The following SGK1 variants were observed in gnomAD, a reference collection of about 807,000 sequenced individuals.
SGK1 encodes serum/glucocorticoid regulated kinase 1, also known as serine/threonine-protein kinase Sgk1.
In SGK1, 26 loss-of-function variants were observed where a neutral mutation model predicts 64.2. The observed-to-expected ratio is 0.40, with a 90% CI of 0.30 to 0.56. The LOEUF (loss-of-function observed/expected upper bound fraction) is 0.56. Among genes scored for constraint, SGK1 ranks in the 20% least tolerant of loss-of-function variants. The probability of loss-of-function intolerance (pLI) is 0.38; values close to 1 mark genes in which losing one functional copy is unlikely to be tolerated. For missense variants in SGK1, 519 were observed against 645.6 expected (o/e 0.80, Z 2.12); for synonymous variants, 265 against 239.7 (o/e 1.11, Z -0.98).
chr6:134,298,237 C>T (rs373414674), intron 1 of SGK1: 8 of 1,576,260 alleles, frequency 5.1e-6, no homozygotes, highest in East Asian at 2.2e-5. Context: ...CTCCTGGCCC[C>T]GAGTCTCCAG....
At chr6:134,193,429 T>C (rs1775545947) in intron 3 of SGK1, among the ~76,000 whole-genome samples, 1 of 152,108 alleles carries the variant, frequency 6.6e-6, no homozygotes, top group South Asian at 2.1e-4. Context: ...CTTCAAATAC[T>C]GAACATTGAA....
Position 134,317,803 on chromosome 6 carries a change from G to GC in SGK1, c.-344dup, listed in dbSNP as rs1183539045. 1 of 230,974 alleles carries GC rather than the reference G, an allele frequency of 4.3e-6. No individual in the cohort carries two copies. The highest frequency in any genetic ancestry group is 2.3e-5 in the African/African-American group (1 of 44,328). 14.3% of individuals were successfully genotyped at this position (230,974 alleles called of 1,614,324 possible). A position where few individuals can be genotyped will look rare whatever the true frequency, so the allele number is the denominator to read the frequency against. ...GAGCGGGAGAAGGGTACGCCTCCCC[G>GC]CCCCCAGCTACCTGGCTGCTCTTCC... On this transcript the variant is annotated 5_prime_UTR_variant, in exon 1 of 14. Coordinates refer to ENST00000367858, the MANE Select transcript of SGK1 (RefSeq NM_001143676.3).
chr6:134,303,296 G>A (rs973999866), intron 1 of SGK1, among the ~76,000 whole-genome samples: 1 of 152,032 alleles, frequency 6.6e-6, no homozygotes, highest in Admixed American at 6.6e-5. Flanking sequence ...GGAGGCTGAG[G>A]CAGGAGAATG....
intron 2 of SGK1, among the ~76,000 whole-genome samples, chr6:134,256,799 C>T (rs1776691581): frequency 6.6e-6 from 1 of 152,146 alleles, no homozygotes; most frequent in South Asian, 2.1e-4. Flanking sequence ...CAGCACTCCT[C>T]GGGATATCAC....
Position 134,297,409 on chromosome 6 carries a change from C to A in SGK1, c.69+19983G>T, listed in dbSNP as rs758326347. ...TTAACAGCCAGCTCCCCATGCTGCT[C>A]GGCATCTGCGATGGCAGTCTCCAGG... On this transcript the variant is annotated intron_variant, in intron 1 of 13. Transcript: ENST00000367858. 8 of 728,586 alleles carry A rather than the reference C, an allele frequency of 1.1e-5. No homozygotes were observed. In the Admixed American group the frequency reaches 1.4e-4, roughly 13 times the overall value. The allele number at this position is 728,586 out of a possible 1,614,324, so 45.1% of individuals were successfully genotyped here. A position where few individuals can be genotyped will look rare whatever the true frequency, so the allele number is the denominator to read the frequency against.
intron 1 of SGK1, among the ~76,000 whole-genome samples, chr6:134,281,023 G>A (rs929271586): frequency 1.3e-5 from 2 of 152,036 alleles, no homozygotes; most frequent in Non-Finnish European, 2.9e-5. Flanking sequence ...AGCCAAGATC[G>A]CACCATTGCA....
chr6:134,231,339 A>G (rs561034579), intron 2 of SGK1, among the ~76,000 whole-genome samples: 2 of 152,294 alleles, frequency 1.3e-5, no homozygotes, highest in Non-Finnish European at 1.5e-5. Flanking sequence ...TTCTTTCTCC[A>G]CCCTGTAAAA....
intron 1 of SGK1, among the ~76,000 whole-genome samples, chr6:134,301,533 C>CTTCTG (rs1777454789): frequency 5.3e-5 from 1 of 18,898 alleles, no homozygotes; most frequent in Non-Finnish European, 1.0e-4. Flanking sequence ...TTTCTCTTTT[C>CTTCTG]TTCTCTTCTC....
At chr6:134,177,128 C>A (rs944580506) in intron 3 of SGK1, among the ~76,000 whole-genome samples, 3 of 152,032 alleles carry the variant, frequency 2.0e-5, no homozygotes, top group Non-Finnish European at 4.4e-5. Flanking sequence ...GCAGGAGAAT[C>A]GCTTGAACCC....
chr6:134,215,134 C>CTTTCTTTT (rs569795606), intron 2 of SGK1: 199 of 391,894 alleles, frequency 5.1e-4, no homozygotes, highest in South Asian at 1.0e-3. Flanking sequence ...TTCTTTCTTT[C>CTTTCTTTT]TTTTTTTTTT....
intron 1 of SGK1, among the ~76,000 whole-genome samples, chr6:134,280,134 G>A (rs1777071732): frequency 6.6e-6 from 1 of 150,856 alleles, no homozygotes; most frequent in South Asian, 2.1e-4. Context: ...GGTTGAGGCT[G>A]CAGTGAGCCA....
chr6:134,205,745 C>T (rs905135579), intron 3 of SGK1, among the ~76,000 whole-genome samples: 44 of 152,162 alleles, frequency 2.9e-4, no homozygotes, highest in African/African-American at 1.0e-3. Context: ...CAAGGGATTG[C>T]GGCAAACACT....
At chr6:134,204,088 A>G (rs1180305617) in intron 3 of SGK1, among the ~76,000 whole-genome samples, 1 of 151,570 alleles carries the variant, frequency 6.6e-6, no homozygotes, top group East Asian at 1.9e-4. Flanking sequence ...AAAAAAAAGT[A>G]TATGTGCCTA....
intron 2 of SGK1, among the ~76,000 whole-genome samples, chr6:134,237,550 G>A (rs959335809): frequency 3.9e-5 from 6 of 152,016 alleles, no homozygotes; most frequent in Admixed American, 6.6e-5. Flanking sequence ...GGTGGCATGC[G>A]CCTGTGATCC....
intron 3 of SGK1, among the ~76,000 whole-genome samples, chr6:134,187,106 G>A (rs761099906): frequency 2.6e-5 from 4 of 152,080 alleles, no homozygotes; most frequent in African/African-American, 4.8e-5. Context: ...GTGAGCCACC[G>A]TTCCTGGCAG....
rs1193541884 is a variant in SGK1 at position 134,170,504 on chromosome 6, C to T, written c.1414-69G>A. On this transcript the variant is annotated intron_variant, in intron 13 of 13. Transcript: ENST00000367858. ...AGACACAGGACAGGGAAATCTTGACCAGGCTTTAAATACCAAGTTTAAGTC... is the reference window on the plus strand; with the variant it reads ...AGACACAGGACAGGGAAATCTTGACTAGGCTTTAAATACCAAGTTTAAGTC... 7.6e-6 allele frequency: 11 copies of T among 1,450,274 alleles called. No homozygotes were observed. The East Asian group carries it at 1.8e-4, about 24-fold the overall frequency. 89.8% of individuals were successfully genotyped at this position (1,450,274 alleles called of 1,614,324 possible).
At chr6:134,301,296 T>C (rs1000979613) in intron 1 of SGK1, among the ~76,000 whole-genome samples, 20 of 152,052 alleles carry the variant, frequency 1.3e-4, no homozygotes, top group African/African-American at 4.8e-4. Flanking sequence ...GATGGAGAAC[T>C]ACAGTAAGAG....
At chr6:134,296,972 G>T (rs1270931442) in intron 1 of SGK1, 1 of 419,086 alleles carries the variant, frequency 2.4e-6, no homozygotes, top group Admixed American at 2.9e-5. Context: ...AGAGGGGCAG[G>T]CTGGGAGGGG....
rs1278686620 is a variant in SGK1 at position 134,271,039 on chromosome 6, AGGTGC to A, written c.70-8896_70-8892del. On this transcript the variant is annotated intron_variant, in intron 1 of 13. Coordinates refer to ENST00000367858, the MANE Select transcript of SGK1 (RefSeq NM_001143676.3). ...TTTCTTTAAATTGTGGGACTCTGCCAGGTGCGGTGGCTCATGCCTGTCGTCCCAGT... is the reference window on the plus strand; with the variant it reads ...TTTCTTTAAATTGTGGGACTCTGCCAGGTGGCTCATGCCTGTCGTCCCAGT... Among the ~76,000 whole-genome samples, 2 of 146,294 alleles carry A rather than the reference AGGTGC, an allele frequency of 1.4e-5. 1 individual carries two copies. The highest frequency in any genetic ancestry group is 3.0e-5 in the Non-Finnish European group (2 of 66,280).
Sources: gnomAD v4.1 joint callset for allele counts (sites outside exome capture counted in the v4.1 genomes callset) on GRCh38, gnomAD v4.1.1 for gene constraint, MANE v1.5 for transcripts, NCBI Gene and HGNC (gene_info 2026-07-23, HGNC 2026-07-21) for gene names.